Variants in PLXNB2 observed in about 807,000 individuals in gnomAD.
PLXNB2 encodes the protein plexin-B2.
PLXNB2 carries 85 observed loss-of-function variants against 202.6 expected under a neutral mutation model. The observed-to-expected ratio is 0.42, with a 90% CI of 0.35 to 0.50. PLXNB2 has a LOEUF of 0.50. PLXNB2 is among the 20% of genes least tolerant of loss of function. The pLI, the probability that PLXNB2 is intolerant of heterozygous loss-of-function variation, is 0.02. For missense variants in PLXNB2, 2,063 were observed against 2,586.2 expected (o/e 0.80, Z 4.39); for synonymous variants, 1,239 against 1,137.6 (o/e 1.09, Z -1.79).
chr22:50,297,306 G>A lies in PLXNB2; in HGVS notation c.-73-2528C>T, dbSNP rs2067351310. 6.6e-6 allele frequency among the ~76,000 whole-genome samples: 1 copy of A among 152,256 alleles called. No homozygotes were observed. The highest frequency in any genetic ancestry group is 2.4e-5 in the African/African-American group (1 of 41,550). On this transcript the variant is annotated intron_variant, in intron 1 of 36. Coordinates refer to ENST00000359337, the MANE Select transcript of PLXNB2 (RefSeq NM_012401.4). The surrounding 1 kb of genome is among the most constrained non-coding windows in gnomAD (Gnocchi z 5.3). ...CCAGGCGTGGGCGGGGGCAGCCAAG[G>A]TCAGGGGAGGCTGGCTTCTGTCCCG... is the stretch of plus-strand genomic sequence containing the variant.
intron 1 of PLXNB2, among the ~76,000 whole-genome samples, chr22:50,306,930 G>A (rs963203657): frequency 2.0e-5 from 3 of 152,244 alleles, no homozygotes; most frequent in African/African-American, 7.2e-5. Flanking sequence ...GCAGGGCAGG[G>A]GCTTCCTGCA....
chr22:50,288,272 G>A lies in PLXNB2; in HGVS notation c.1381-235C>T, dbSNP rs145440088. On this transcript the variant is annotated intron_variant, in intron 5 of 36. Coordinates refer to ENST00000359337, the MANE Select transcript of PLXNB2 (RefSeq NM_012401.4). This position sits in a 1 kb window ranked among gnomAD's most constrained non-coding sequence, Gnocchi z 5.0. Reference sequence around the variant, plus strand: ...CTTGGCTATGGTGTCTCCCGGGGCAGCTCCTGTCCTCTACACTGGCTCCCT... The same window carrying A: ...CTTGGCTATGGTGTCTCCCGGGGCAACTCCTGTCCTCTACACTGGCTCCCT... Among the ~76,000 whole-genome samples the A allele has an allele frequency of 3.8e-4, 58 of 152,264 alleles. No individual in the cohort carries two copies. The highest frequency in any genetic ancestry group is 1.2e-3 in the African/African-American group (49 of 41,550).
At chr22:50,304,388 CAGAGAGAAG>C in intron 1 of PLXNB2, among the ~76,000 whole-genome samples, 2 of 152,182 alleles carry the variant, frequency 1.3e-5, no homozygotes, top group African/African-American at 2.4e-5. Context: ...GCTTGGTCTT[CAGAGAGAAG>C]GCTTCTGAGC....
chr22:50,290,616 G>T lies in PLXNB2; in HGVS notation c.-13-19C>A. On this transcript the variant is annotated intron_variant, in intron 2 of 36. Coordinates refer to ENST00000359337, the MANE Select transcript of PLXNB2 (RefSeq NM_012401.4). ...CCGCACCCTGTGGGAAGAGAGAAGG[G>T]TCAGGGGAGCCCCGACCCAGAGGAC... The T allele has an allele frequency of 6.4e-7, 1 of 1,552,454 alleles. No individual in the cohort carries two copies.
Position 50,278,108 on chromosome 22 carries a change from G to T in PLXNB2, c.4887+9C>A. 6.2e-7 allele frequency: 1 copy of T among 1,603,182 alleles called. No homozygotes were observed. Among genetic ancestry groups the T allele is most frequent in the Non-Finnish European group, 8.5e-7 (1 of 1,179,306 alleles). ...GCCTGGTGCCGCCCACACACCCATGGGGGCCCACCTTGACTGAGAGCAGCC... is the reference window on the plus strand; with the variant it reads ...GCCTGGTGCCGCCCACACACCCATGTGGGCCCACCTTGACTGAGAGCAGCC... On this transcript the variant is annotated intron_variant, in intron 31 of 36. Transcript: ENST00000359337.
rs2066629304 is a variant in PLXNB2 at position 50,288,458 on chromosome 22, G to A, written c.1380+285C>T. Among the ~76,000 whole-genome samples the A allele has an allele frequency of 6.6e-6, 1 of 152,150 alleles. No individual in the cohort carries two copies. Among genetic ancestry groups the A allele is most frequent in the African/African-American group, 2.4e-5 (1 of 41,434 alleles). ...CAACACGCCTCAGACACCAACCCAGGTCCCTTCCATCAGGACAGGGCAGAG... is the reference window on the plus strand; with the variant it reads ...CAACACGCCTCAGACACCAACCCAGATCCCTTCCATCAGGACAGGGCAGAG... On this transcript the variant is annotated intron_variant, in intron 5 of 36. Transcript: ENST00000359337. The surrounding 1 kb of genome is among the most constrained non-coding windows in gnomAD (Gnocchi z 5.0).
chr22:50,296,933 C>G (rs1321805229), intron 1 of PLXNB2, among the ~76,000 whole-genome samples: 2 of 152,240 alleles, frequency 1.3e-5, no homozygotes, highest in African/African-American at 4.8e-5. Flanking sequence ...CTGTGCTACC[C>G]TGCTGCACAG....
intron 1 of PLXNB2, chr22:50,300,379 C>T: frequency 4.2e-6 from 4 of 944,282 alleles, no homozygotes; most frequent in Non-Finnish European, 5.0e-6. Flanking sequence ...GGTGGCTCCG[C>T]CCGTGCCCCC....
Position 50,285,989 on chromosome 22 carries a change from C to T in PLXNB2, c.1986+1G>A. Reference sequence around the variant, plus strand: ...TCCCCTGAGGCCCCGAGGCCCCTCACCATGTGGGCACGGACGATGCCGTCC... The same window carrying T: ...TCCCCTGAGGCCCCGAGGCCCCTCATCATGTGGGCACGGACGATGCCGTCC... On this transcript the variant is annotated splice_donor_variant, in intron 10 of 36. Transcript: ENST00000359337. LOFTEE classifies it high-confidence loss of function. 1 of 1,612,204 alleles carries T rather than the reference C, an allele frequency of 6.2e-7. No homozygotes were observed. Among genetic ancestry groups the T allele is most frequent in the Non-Finnish European group, 8.5e-7 (1 of 1,179,592 alleles).
intron 1 of PLXNB2, among the ~76,000 whole-genome samples, chr22:50,305,358 C>T (rs2064293007): frequency 6.6e-6 from 1 of 152,228 alleles, no homozygotes; most frequent in African/African-American, 2.4e-5. Flanking sequence ...GCTCCTCCTC[C>T]CCGATGTGGT....
In PLXNB2 at chr22:50,290,291, C is replaced by T; in HGVS notation, c.294G>A (p.Gln98=). 1 of 1,611,906 alleles carries T rather than the reference C, an allele frequency of 6.2e-7. No homozygotes were observed. The highest frequency in any genetic ancestry group is 2.2e-5 in the East Asian group (1 of 44,886). The change falls in exon 3 of 37, where the codon CAG becomes CAA. Residue 98 remains glutamine, a synonymous_variant. Coordinates refer to ENST00000359337, the MANE Select transcript of PLXNB2 (RefSeq NM_012401.4). ...HEAEMTDNVN[Q]LLLLDPPRKR... is the part of the protein sequence containing the mutation. ...TCCTGGGAGGGTCGAGCAGCAGCAG[C>T]TGGTTGACATTGTCAGTCATCTCAG...
In PLXNB2 at chr22:50,287,259, C is replaced by A. The variant is rs2147488113; in HGVS notation, c.1614G>T (p.Gln538His). 2 of 1,514,214 alleles carry A rather than the reference C, an allele frequency of 1.3e-6. No individual in the cohort carries two copies. The highest frequency in any genetic ancestry group is 1.8e-6 in the Non-Finnish European group (2 of 1,127,298). 93.8% of individuals were successfully genotyped at this position (1,514,214 alleles called of 1,614,324 possible). A position where few individuals can be genotyped will look rare whatever the true frequency, so the allele number is the denominator to read the frequency against. ...GGGCAGGGAGGGGGCTGACGGTCAG[C>A]TGCACCTGAGGGAGGGGCCGTGCCG... Reference protein sequence around the residue: ...NMSRRAQGEVQLTVSPLPALS... With the variant: ...NMSRRAQGEVHLTVSPLPALS... Residue 538 changes from glutamine (Q) to histidine (H), a missense_variant, in exon 8 of 37, where the codon CAG (glutamine) becomes CAT (histidine). Coordinates refer to ENST00000359337, the MANE Select transcript of PLXNB2 (RefSeq NM_012401.4).
chr22:50,289,768 C>T lies in PLXNB2; in HGVS notation c.817G>A (p.Ala273Thr), dbSNP rs761966193. The change falls in exon 3 of 37, where the codon GCC becomes ACC. Residue 273 changes from alanine to threonine, a missense_variant. Transcript: ENST00000359337. The surrounding 1 kb of genome is among the most constrained non-coding windows in gnomAD (Gnocchi z 8.0). ...GCCAGGCAGGTGCCAAAGGCAGCGG[C>T]GTGGATGTCGGGGTCCCGGCACTGC... is the stretch of plus-strand genomic sequence containing the variant. Reference protein sequence around the residue: ...DLQCRDPDIHAAAFGTCLAAS... With the variant: ...DLQCRDPDIHTAAFGTCLAAS... The T allele has an allele frequency of 9.9e-6, 16 of 1,612,798 alleles. No homozygotes were observed. The highest frequency in any genetic ancestry group is 8.0e-5 in the African/African-American group (6 of 74,954).
At chr22:50,276,523 T>A in intron 35 of PLXNB2, 106 bp downstream of exon 35, 1 of 978,042 alleles carries the variant, frequency 1.0e-6, no homozygotes, top group African/African-American at 1.6e-5. Context: ...CCACCCTCTC[T>A]CCCCCTCAGC....
rs1292515582 is a variant in PLXNB2 at position 50,300,374 on chromosome 22, CTCCGCCCG to C, written c.-73-5604_-73-5597del. On this transcript the variant is annotated intron_variant, in intron 1 of 36. Transcript: ENST00000359337. ...AGCAGCTCCGCCCCGCCGATGGTGG[CTCCGCCCG>C]TGCCCCCGGTCGGTCTCAGGGCTCG... 8 of 961,146 alleles carry C rather than the reference CTCCGCCCG, an allele frequency of 8.3e-6. No homozygotes were observed. In the Admixed American group the frequency reaches 4.9e-4, roughly 59 times the overall value. 59.5% of individuals were successfully genotyped at this position (961,146 alleles called of 1,614,324 possible). A position where few individuals can be genotyped will look rare whatever the true frequency, so the allele number is the denominator to read the frequency against.
Position 50,300,354 on chromosome 22 carries a change from C to T in PLXNB2, c.-73-5576G>A, listed in dbSNP as rs576246063. ...GCCGTGGAAGGGGCGCGGGGAGCAG[C>T]TCCGCCCCGCCGATGGTGGCTCCGC... On this transcript the variant is annotated intron_variant, in intron 1 of 36. Transcript: ENST00000359337. The T allele has an allele frequency of 7.1e-6, 7 of 984,206 alleles. No individual in the cohort carries two copies. The South Asian group carries it at 1.9e-4, about 26-fold the overall frequency. 61.0% of individuals were successfully genotyped at this position (984,206 alleles called of 1,614,324 possible).
intron 17 of PLXNB2, 59 bp downstream of exon 17, chr22:50,282,990 GC>G (rs2066128678): frequency 6.3e-7 from 1 of 1,574,858 alleles, no homozygotes; most frequent in East Asian, 2.3e-5. Flanking sequence ...CTCAGTAAGT[GC>G]CCCCCTCCAT....
At chr22:50,287,040 G>C in intron 8 of PLXNB2, 71 bp downstream of exon 8, 1 of 1,389,926 alleles carries the variant, frequency 7.2e-7, no homozygotes, top group Non-Finnish European at 9.4e-7. Flanking sequence ...GCCAGCAGAG[G>C]CGAGAGCCCG....
intron 17 of PLXNB2, 23 bp downstream of exon 17, chr22:50,283,027 C>T: frequency 6.3e-7 from 1 of 1,596,476 alleles, no homozygotes; most frequent in Non-Finnish European, 8.5e-7. Flanking sequence ...CAACCAGACT[C>T]AGCAGCTGGC....
Sources: gnomAD v4.1 joint callset for allele counts (sites outside exome capture counted in the v4.1 genomes callset) on GRCh38, gnomAD v4.1.1 for gene constraint, Gnocchi (gnomAD v3.1) non-coding constraint, MANE v1.5 for transcripts, NCBI Gene and HGNC (gene_info 2026-07-23, HGNC 2026-07-21) for gene names.